ODR4: variants seen among roughly 807,000 people sequenced by gnomAD.
ODR4 encodes the protein odr-4 GPCR localization factor homolog.
In ODR4, 47 loss-of-function variants were observed where a neutral mutation model predicts 60.2. The observed-to-expected ratio is 0.78, with a 90% CI of 0.62 to 1.00. The LOEUF (loss-of-function observed/expected upper bound fraction) is 1.00, where lower values mean the gene tolerates loss of function less well. Among genes scored for constraint, ODR4 ranks in the 50% least tolerant of loss-of-function variants. ODR4 has a pLI of 0.00. For synonymous variants in ODR4, 178 were observed against 175.5 expected (o/e 1.01, Z -0.11); for missense variants, 488 against 530.8 (o/e 0.92, Z 0.79).
chr1:186,429,592 C>A, the ODR4 span, among the ~76,000 whole-genome samples: 1 of 152,154 alleles, frequency 6.6e-6, no homozygotes, highest in East Asian at 1.9e-4. Context: ...CTGTCTTCCT[C>A]TTTTTCACTG....
intron 11 of ODR4, among the ~76,000 whole-genome samples, chr1:186,405,255 T>G (rs1661129555): frequency 1.3e-5 from 2 of 152,080 alleles, no homozygotes; most frequent in Admixed American, 6.5e-5. Flanking sequence ...GCTTGATATA[T>G]AGGAAGGGGG....
At chr1:186,379,443 C>CA (rs57320656) in intron 1 of ODR4, among the ~76,000 whole-genome samples, 589 of 58,022 alleles carry the variant, frequency 0.01, 2 homozygotes, top group African/African-American at 0.014. Context: ...AACTCCGTCT[C>CA]AAAAAAAAAA....
chr1:186,422,405 TAAA>T (rs762947021), downstream of ODR4, among the ~76,000 whole-genome samples: 1 of 152,174 alleles, frequency 6.6e-6, no homozygotes, highest in Non-Finnish European at 1.5e-5. Flanking sequence ...TAATTAATGA[TAAA>T]GAATTAGTGA....
chr1:186,417,310 T>C (rs1661610881), intron 12 of ODR4: 2 of 379,986 alleles, frequency 5.3e-6, no homozygotes, highest in South Asian at 5.6e-5. Flanking sequence ...TGTGTGGCCC[T>C]CTGGTTTAGT....
chr1:186,378,478 G>GAATAAA (rs1202838485), intron 1 of ODR4, among the ~76,000 whole-genome samples: 1 of 151,994 alleles, frequency 6.6e-6, no homozygotes, highest in Non-Finnish European at 1.5e-5. Flanking sequence ...AATATCTTTG[G>GAATAAA]TTTTAAGCTA....
chr1:186,408,600 A>G (rs1267911876), intron 12 of ODR4, among the ~76,000 whole-genome samples: 1 of 149,594 alleles, frequency 6.7e-6, no homozygotes, highest in African/African-American at 2.5e-5. Context: ...AAAAATGTTT[A>G]TATATGTGAA....
downstream of ODR4, among the ~76,000 whole-genome samples, chr1:186,422,229 GAT>G (rs1358719261): frequency 6.6e-6 from 1 of 151,982 alleles, no homozygotes; most frequent in African/African-American, 2.4e-5. Flanking sequence ...TTAGATTTAT[GAT>G]ATTAAAGATT....
intron 9 of ODR4, among the ~76,000 whole-genome samples, chr1:186,396,465 T>C (rs1660680021): frequency 1.3e-5 from 2 of 151,786 alleles, no homozygotes; most frequent in African/African-American, 2.4e-5. Context: ...AAAAATTAGC[T>C]GGGGGTGATG....
chr1:186,398,379 G>C lies in ODR4; in HGVS notation c.847G>C (p.Gly283Arg), dbSNP rs776048264. The C allele has an allele frequency of 1.2e-5, 19 of 1,611,226 alleles. No homozygotes were observed. Among genetic ancestry groups the C allele is most frequent in the Non-Finnish European group, 1.5e-5 (18 of 1,178,452 alleles). Residue 283 changes from glycine (G) to arginine (R), a missense_variant, in exon 10 of 14, where the codon GGT becomes CGT. By Grantham distance (125) the Gly-to-Arg change is moderately radical (BLOSUM62 -2). Coordinates refer to ENST00000287859, the MANE Select transcript of ODR4 (RefSeq NM_017847.6). ...ATGTAGCGGTTCTGTAAACCTTAAGGGTGCTGTGAAATGCAGAGCTTATAT... is the reference window on the plus strand; with the variant it reads ...ATGTAGCGGTTCTGTAAACCTTAAGCGTGCTGTGAAATGCAGAGCTTATAT... ...QICSGSVNLK[G>R]AVKCRAYIHS...
At position 186,415,348 on chromosome 1, in the gene ODR4, C is replaced by T. The variant is rs566862078; in HGVS notation, c.1187-2196C>T. On this transcript the variant is annotated intron_variant, in intron 12 of 13. Transcript: ENST00000287859. ...TATGTCATTCTTTTGAGCTTGTGCT[C>T]CCATATTGGGGTGCAAAGATGTCTA... 2.6e-5 allele frequency among the ~76,000 whole-genome samples: 4 copies of T among 152,146 alleles called. No homozygotes were observed. In the South Asian group the frequency reaches 6.2e-4, roughly 24 times the overall value.
chr1:186,413,296 C>A (rs1661440712), intron 12 of ODR4, among the ~76,000 whole-genome samples: 1 of 151,794 alleles, frequency 6.6e-6, no homozygotes, highest in South Asian at 2.1e-4. Flanking sequence ...AAAAAAAAAT[C>A]ATTTCAGGTA....
intron 6 of ODR4, 37 bp downstream of exon 6, chr1:186,389,661 C>T (rs746301665): frequency 1.2e-5 from 17 of 1,382,106 alleles, no homozygotes; most frequent in Admixed American, 9.8e-5. Context: ...TTCTGTGTCA[C>T]AAAGTATTTT....
At chr1:186,399,101 T>TA (rs1660815503) in intron 11 of ODR4, 57 bp downstream of exon 11, 12 of 1,046,952 alleles carry the variant, frequency 1.1e-5, no homozygotes, top group Non-Finnish European at 1.7e-5. Flanking sequence ...AGTAATAAGA[T>TA]ATCAAGATAT....
intron 1 of ODR4, among the ~76,000 whole-genome samples, chr1:186,377,970 G>A (rs1458398954): frequency 6.6e-6 from 1 of 151,976 alleles, no homozygotes; most frequent in Non-Finnish European, 1.5e-5. Flanking sequence ...GCGTGAACCT[G>A]GGAGGTGGAG....
At chr1:186,399,870 CAT>C (rs1021812988) in intron 11 of ODR4, among the ~76,000 whole-genome samples, 3 of 150,986 alleles carry the variant, frequency 2.0e-5, no homozygotes, top group African/African-American at 7.3e-5. Flanking sequence ...TTTTGGGAAA[CAT>C]AACAATTTAT....
In ODR4 at chr1:186,398,367, G is replaced by C. The variant is rs1347300869; in HGVS notation, c.835G>C (p.Val279Leu). The C allele has an allele frequency of 6.2e-7, 1 of 1,611,260 alleles. No individual in the cohort carries two copies. Among genetic ancestry groups the C allele is most frequent in the Non-Finnish European group, 8.5e-7 (1 of 1,178,434 alleles). The stretch of plus-strand genomic sequence containing the variant: ...CACAGTCCAGATATGTAGCGGTTCT[G>C]TAAACCTTAAGGGTGCTGTGAAATG... ...TATVQICSGS[V>L]NLKGAVKCRA... The change falls in exon 10 of 14, where the codon GTA becomes CTA. Residue 279 changes from valine to leucine, a missense_variant. Val to Leu is a conservative substitution (Grantham distance 32). Coordinates refer to ENST00000287859, the MANE Select transcript of ODR4 (RefSeq NM_017847.6).
rs1660437629 is a variant in ODR4 at position 186,390,745 on chromosome 1, G to T, written c.509G>T (p.Ser170Ile). ...SARPADWKYQSGLSSSWLSLE... is the reference protein window; with the variant it reads ...SARPADWKYQIGLSSSWLSLE... ...AGACCAGCAGATTGGAAGTATCAAA[G>T]TGGATTATCATCCTCATGGCTTTCT... The change falls in exon 7 of 14, where the codon AGT becomes ATT. Residue 170 changes from serine (S) to isoleucine (I), a missense_variant. By Grantham distance (142) the Ser-to-Ile change is moderately radical. Transcript: ENST00000287859. 2 of 1,613,430 alleles carry T rather than the reference G, an allele frequency of 1.2e-6. No homozygotes were observed. Among genetic ancestry groups the T allele is most frequent in the Non-Finnish European group, 1.7e-6 (2 of 1,179,656 alleles).
Position 186,417,632 on chromosome 1 carries a change from A to C in ODR4, c.1275A>C (p.Leu425Phe). Residue 425 changes from leucine to phenylalanine, a missense_variant, in exon 13 of 14, where the codon TTA (leucine) becomes TTC (phenylalanine). Leu to Phe is a conservative substitution (Grantham distance 22). Coordinates refer to ENST00000287859, the MANE Select transcript of ODR4 (RefSeq NM_017847.6). Reference sequence around the variant, plus strand: ...AACAACCAATTAAAACTACAATGTTATTGAAAATTCAGCAAAACATAGGTA... The same window carrying C: ...AACAACCAATTAAAACTACAATGTTCTTGAAAATTCAGCAAAACATAGGTA... ...QPKQPIKTTMLLKIQQNIGVI... is the reference protein window; with the variant it reads ...QPKQPIKTTMFLKIQQNIGVI... 1 of 1,589,586 alleles carries C rather than the reference A, an allele frequency of 6.3e-7. No individual in the cohort carries two copies. Among genetic ancestry groups the C allele is most frequent in the Non-Finnish European group, 8.6e-7 (1 of 1,164,216 alleles).
At chr1:186,382,971 G>C in intron 2 of ODR4, 51 bp from the exon 3 acceptor site, 5 of 1,535,496 alleles carry the variant, frequency 3.3e-6, no homozygotes, top group Non-Finnish European at 4.4e-6. Flanking sequence ...ACTCTAATTA[G>C]ATTGAGGAAT....
Sources: gnomAD v4.1 joint callset for allele counts (sites outside exome capture counted in the v4.1 genomes callset) on GRCh38, gnomAD v4.1.1 for gene constraint, MANE v1.5 for transcripts, NCBI Gene and HGNC (gene_info 2026-07-23, HGNC 2026-07-21) for gene names.